SSH3: variants seen among roughly 807,000 people sequenced by gnomAD.
SSH3 encodes the protein protein phosphatase Slingshot homolog 3.
Under a neutral mutation model 75.0 loss-of-function variants are expected in SSH3, and 67 were observed. The observed-to-expected ratio is 0.89, with a 90% confidence interval of 0.73 to 1.10. The LOEUF (loss-of-function observed/expected upper bound fraction) is 1.10, where lower values mean the gene tolerates loss of function less well. Ranked by LOEUF, SSH3 falls within the 50% of genes least tolerant of loss-of-function variation. The probability of loss-of-function intolerance (pLI) is 0.00; values close to 1 mark genes in which losing one functional copy is unlikely to be tolerated. For synonymous variants in SSH3, 318 were observed against 349.2 expected, an observed-to-expected ratio of 0.91 and a Z score of 1.00; for missense variants, 824 against 872.7, an observed-to-expected ratio of 0.94 and a Z score of 0.70.
chr11:67,306,902 AAGG>A lies in SSH3; in HGVS notation c.407_409del (p.Gly136del), dbSNP rs1260947735. The A allele has an allele frequency of 3.7e-6, 6 of 1,613,460 alleles. 1 individual carries two copies. The South Asian group carries it at 4.4e-5, about 12-fold the overall frequency. ...TACCTGCTGGTAGTTTCTACACGAG[AAGG>A]AGAAGGTCTGAGCCAGGATGAGACG... On this transcript the variant is annotated inframe_deletion, in exon 4 of 14. Coordinates refer to ENST00000308127, the MANE Select transcript of SSH3 (RefSeq NM_017857.4).
chr11:67,311,328 G>A (rs1861408086), intron 13 of SSH3, among the ~76,000 whole-genome samples: 1 of 152,070 alleles, frequency 6.6e-6, no homozygotes, highest in African/African-American at 2.4e-5. Flanking sequence ...GGGAGCTGAG[G>A]AGGGCTTCTG....
At position 67,307,168 on chromosome 11, in the gene SSH3, G is replaced by A. The variant is rs534970245; in HGVS notation, c.536+55G>A. 56 of 1,600,878 alleles carry A rather than the reference G, an allele frequency of 3.5e-5. No individual in the cohort carries two copies. The highest frequency in any genetic ancestry group is 1.2e-4 in the Admixed American group (7 of 59,678). The stretch of plus-strand genomic sequence containing the variant: ...GGAGGGTGGAATAACTGAGTGTGAC[G>A]GATGTGACGGGGCCTGGGCACCAGG... On this transcript the variant is annotated intron_variant, in intron 5 of 13. Coordinates refer to ENST00000308127, the MANE Select transcript of SSH3 (RefSeq NM_017857.4). This position sits in a 1 kb window ranked among gnomAD's most constrained non-coding sequence, Gnocchi z 4.2.
In SSH3 at chr11:67,310,259, C is replaced by T. The variant is rs202115905; in HGVS notation, c.1603C>T (p.Arg535Ter). 1.9e-5 allele frequency: 31 copies of T among 1,614,080 alleles called. No homozygotes were observed. The highest frequency in any genetic ancestry group is 1.3e-4 in the South Asian group (12 of 91,092). ...EPGPRPRINL[R>*]GVMRSISLLE... is the part of the protein sequence containing the mutation. ...TGGGCCACGGCCACGTATAAACCTC[C>T]GAGGGGTCATGAGGTCCATCAGTCT... Residue 535 changes from arginine to a stop codon, truncating the protein, a stop_gained, in exon 13 of 14, where the codon CGA (arginine) becomes TGA (stop). Transcript: ENST00000308127. LOFTEE classifies it high-confidence loss of function.
In SSH3 at chr11:67,304,951, A is replaced by C; in HGVS notation, c.283A>C (p.Arg95=). ...SQSPQKQEEQ[R]QHLHLMVQLL... is the part of the protein sequence containing the mutation. ...GAGTCCCCAGAAGCAGGAGGAGCAG[A>C]GGCAGCACCTGCACCTCATGGTACA... The change falls in exon 3 of 14, where the codon AGG becomes CGG. Residue 95 remains arginine, a synonymous_variant. Coordinates refer to ENST00000308127, the MANE Select transcript of SSH3 (RefSeq NM_017857.4). 6.2e-7 allele frequency: 1 copy of C among 1,613,504 alleles called. No individual in the cohort carries two copies. Among genetic ancestry groups the C allele is most frequent in the Non-Finnish European group, 8.5e-7 (1 of 1,179,960 alleles).
rs1432851623 is a variant in SSH3 at position 67,307,417 on chromosome 11, A to G, written c.583A>G (p.Ile195Val). The G allele has an allele frequency of 3.1e-6, 5 of 1,613,804 alleles. No homozygotes were observed. In the African/African-American group the frequency reaches 4.0e-5, roughly 13 times the overall value. ...SGGQSRIFKP[I>V]SIQTMWATLQ... is the part of the protein sequence containing the mutation. ...TGGGCAAAGCCGGATCTTCAAGCCC[A>G]TCTCCATCCAGACCATGTGGTAAGG... The change falls in exon 6 of 14, where the codon ATC (isoleucine) becomes GTC (valine). Residue 195 changes from isoleucine to valine, a missense_variant. Coordinates refer to ENST00000308127, the MANE Select transcript of SSH3 (RefSeq NM_017857.4). This position sits in a 1 kb window ranked among gnomAD's most constrained non-coding sequence, Gnocchi z 4.2.
rs773275703 is a variant in SSH3, at chr11:67,311,751, G to A, written c.1844G>A (p.Arg615Gln). The stretch of plus-strand genomic sequence containing the variant: ...CAGGGCAGTGCCGTGGTGGCCAACC[G>A]GACCCAGGCCTTCCAGGAGCAGGAG... ...TLQGSAVVAN[R>Q]TQAFQEQEQG... The change falls in exon 14 of 14, where the codon CGG becomes CAG. Residue 615 changes from arginine (R) to glutamine (Q), a missense_variant. Coordinates refer to ENST00000308127, the MANE Select transcript of SSH3 (RefSeq NM_017857.4). 26 of 1,613,826 alleles carry A rather than the reference G, an allele frequency of 1.6e-5. No individual in the cohort carries two copies. The highest frequency in any genetic ancestry group is 3.3e-5 in the Admixed American group (2 of 59,996).
At position 67,307,721 on chromosome 11, in the gene SSH3, A is replaced by C. The variant is rs373944304; in HGVS notation, c.775A>C (p.Ser259Arg). The change falls in exon 7 of 14, where the codon AGC (serine) becomes CGC (arginine). Residue 259 changes from serine (S) to arginine (R), a missense_variant. Ser to Arg is a moderately radical substitution (Grantham distance 110). Transcript: ENST00000308127. This position sits in a 1 kb window ranked among gnomAD's most constrained non-coding sequence, Gnocchi z 4.2. ...MADLESLRPP[S>R]AEPGGSSEQE... Reference sequence around the variant, plus strand: ...CGACCTGGAGTCTCTGCGGCCTCCCAGCGCCGAGCCTGGCGGGTCAGTGTG... The same window carrying C: ...CGACCTGGAGTCTCTGCGGCCTCCCCGCGCCGAGCCTGGCGGGTCAGTGTG... 6.2e-7 allele frequency: 1 copy of C among 1,613,832 alleles called. No individual in the cohort carries two copies. The highest frequency in any genetic ancestry group is 2.2e-5 in the East Asian group (1 of 44,870).
At position 67,311,606 on chromosome 11, in the gene SSH3, G is replaced by A. The variant is rs201531520; in HGVS notation, c.1699G>A (p.Glu567Lys). Residue 567 changes from glutamate to lysine, a missense_variant, in exon 14 of 14, where the codon GAG becomes AAG. Coordinates refer to ENST00000308127, the MANE Select transcript of SSH3 (RefSeq NM_017857.4). ...ACCTGTCCAGGTCTTCTCTTCCCAC[G>A]AGTCTTCACATGAAGAGCCTCTGCA... ...SDMPEVFSSH[E>K]SSHEEPLQPF... 75 of 1,614,002 alleles carry A rather than the reference G, an allele frequency of 4.6e-5. No homozygotes were observed. Among genetic ancestry groups the A allele is most frequent in the Non-Finnish European group, 2.5e-6 (3 of 1,180,018 alleles).
chr11:67,304,243 C>A, intron 2 of SSH3, 88 bp downstream of exon 2: 2 of 1,078,452 alleles, frequency 1.9e-6, no homozygotes, highest in Non-Finnish European at 2.7e-6. Flanking sequence ...GGACAGAAAG[C>A]TCCCCGGAGG....
At chr11:67,305,813 G>C (rs1450136751) in intron 3 of SSH3, among the ~76,000 whole-genome samples, 1 of 152,148 alleles carries the variant, frequency 6.6e-6, no homozygotes, top group African/African-American at 2.4e-5. Context: ...AATACTTGTG[G>C]AGACAGCTCG....
chr11:67,310,808 C>T (rs1861389661), intron 13 of SSH3, among the ~76,000 whole-genome samples: 1 of 152,214 alleles, frequency 6.6e-6, no homozygotes, highest in Non-Finnish European at 1.5e-5. Flanking sequence ...AGGCCATGAG[C>T]TCCACAGGCC....
In SSH3 at chr11:67,308,628, CAGG is replaced by C. The variant is rs1861321920; in HGVS notation, c.1061+173_1061+175del. On this transcript the variant is annotated intron_variant, in intron 10 of 13. Transcript: ENST00000308127. This position sits in a 1 kb window ranked among gnomAD's most constrained non-coding sequence, Gnocchi z 4.9. ...CCTGGTGTGGGCTCCCAGGTGGGGA[CAGG>C]AGACCTGCTGGCCAGCCCCCGCCCA... is the stretch of plus-strand genomic sequence containing the variant. 6.6e-6 allele frequency among the ~76,000 whole-genome samples: 1 copy of C among 152,132 alleles called. No homozygotes were observed.
intron 3 of SSH3, 32 bp downstream of exon 3, chr11:67,305,039 G>T: frequency 6.3e-7 from 1 of 1,584,008 alleles, no homozygotes. Flanking sequence ...CGGGGGGTGG[G>T]GGGAAGAGAC....
rs537994301 is a variant in SSH3, at chr11:67,304,302, G to A, written c.104+147G>A. ...AATTTGTGGGGCAGCGTTCCCGGTG[G>A]GGCCGGCTGGTGGGCTCGCGGTAGG... On this transcript the variant is annotated intron_variant, in intron 2 of 13. Coordinates refer to ENST00000308127, the MANE Select transcript of SSH3 (RefSeq NM_017857.4). The A allele has an allele frequency of 4.4e-5, 30 of 681,522 alleles. No individual in the cohort carries two copies. In the South Asian group the frequency reaches 5.4e-4, roughly 12 times the overall value. 42.2% of individuals were successfully genotyped at this position (681,522 alleles called of 1,614,324 possible). A position where few individuals can be genotyped will look rare whatever the true frequency, so the allele number is the denominator to read the frequency against.
Position 67,312,169 on chromosome 11 carries a change from A to G in SSH3, c.*282A>G, listed in dbSNP as rs140515068. 764 of 511,022 alleles carry G rather than the reference A, an allele frequency of 1.5e-3. 6 individuals carry two copies. Among genetic ancestry groups the G allele is most frequent in the African/African-American group, 0.013 (657 of 51,652 alleles). 31.7% of individuals were successfully genotyped at this position (511,022 alleles called of 1,614,324 possible). On this transcript the variant is annotated 3_prime_UTR_variant, in exon 14 of 14. Coordinates refer to ENST00000308127, the MANE Select transcript of SSH3 (RefSeq NM_017857.4). The stretch of plus-strand genomic sequence containing the variant: ...GGGACTGAAGGTACCTTTGGGGGCA[A>G]CAGCACCCTAGTTTCATTCTCAACT...
Position 67,308,121 on chromosome 11 carries a change from A to G in SSH3, c.886-53A>G. ...TCAGAGGTCCCAGAGGGAAGGTGGC[A>G]GGTTGGGCACTAGGAGAGCCCCAGC... is the stretch of plus-strand genomic sequence containing the variant. On this transcript the variant is annotated intron_variant, in intron 8 of 13. Transcript: ENST00000308127. This position sits in a 1 kb window ranked among gnomAD's most constrained non-coding sequence, Gnocchi z 4.9. 1.3e-6 allele frequency: 2 copies of G among 1,593,868 alleles called. No homozygotes were observed. The highest frequency in any genetic ancestry group is 1.7e-5 in the Admixed American group (1 of 58,680).
chr11:67,310,667 G>A (rs1357285575), intron 13 of SSH3, among the ~76,000 whole-genome samples: 1 of 152,152 alleles, frequency 6.6e-6, no homozygotes, highest in Non-Finnish European at 1.5e-5. Context: ...GGCTGGAGAG[G>A]GGTCACGGGG....
At position 67,311,445 on chromosome 11, in the gene SSH3, T is replaced by A. The variant is rs147747425; in HGVS notation, c.1684-146T>A. Reference sequence around the variant, plus strand: ...GCGTGGCTGTGGACAGCTTGGCTTTTGGCGTGCGTGCCACAAACATTCCGG... The same window carrying A: ...GCGTGGCTGTGGACAGCTTGGCTTTAGGCGTGCGTGCCACAAACATTCCGG... On this transcript the variant is annotated intron_variant, in intron 13 of 13. Coordinates refer to ENST00000308127, the MANE Select transcript of SSH3 (RefSeq NM_017857.4). 43 of 1,033,088 alleles carry A rather than the reference T, an allele frequency of 4.2e-5. No homozygotes were observed. The African/African-American group carries it at 6.1e-4, about 15-fold the overall frequency. The allele number at this position is 1,033,088 out of a possible 1,614,324, so 64.0% of individuals were successfully genotyped here.
Position 67,311,824 on chromosome 11 carries a change from C to G in SSH3, c.1917C>G (p.Pro639=). Residue 639 remains proline, a synonymous_variant, in exon 14 of 14, where the codon CCC becomes CCG. Coordinates refer to ENST00000308127, the MANE Select transcript of SSH3 (RefSeq NM_017857.4). ...GQGEPCISST[P]RFRKVVRQAS... is the part of the protein sequence containing the mutation. ...GAGAGCCCTGCATTTCCTCTACGCC[C>G]AGGTTCCGGAAGGTGGTGAGACAGG... 2 of 1,613,164 alleles carry G rather than the reference C, an allele frequency of 1.2e-6. No homozygotes were observed. The highest frequency in any genetic ancestry group is 1.7e-6 in the Non-Finnish European group (2 of 1,179,942).
Sources: allele counts gnomAD v4.1 joint callset (sites outside exome capture counted in the v4.1 genomes callset), GRCh38; gene constraint gnomAD v4.1.1; non-coding constraint Gnocchi (gnomAD v3.1); transcripts MANE v1.5; gene names NCBI Gene and HGNC (gene_info 2026-07-23, HGNC 2026-07-21).